The following ADCY2 variants were observed in gnomAD, a reference collection of about 807,000 sequenced individuals.
ADCY2 encodes adenylate cyclase type 2.
In ADCY2, 31 loss-of-function variants were observed where a neutral mutation model predicts 125.2. The observed-to-expected ratio is 0.25, with a 90% CI of 0.19 to 0.33. ADCY2 has a LOEUF of 0.33. ADCY2 is among the 10% of genes least tolerant of loss of function. ADCY2 has a pLI of 1.00. For missense variants in ADCY2, 904 were observed against 1,418.2 expected (o/e 0.64, Z 5.82); for synonymous variants, 512 against 548.4 (o/e 0.93, Z 0.93).
chr5:7,822,176 A>G (rs1275532525), intron 24 of ADCY2, among the ~76,000 whole-genome samples: 1 of 152,234 alleles, frequency 6.6e-6, no homozygotes, highest in Non-Finnish European at 1.5e-5. Context: ...CTCTTGGATA[A>G]TATATGTAGA....
chr5:7,569,496 A>G (rs1736008292), intron 3 of ADCY2, among the ~76,000 whole-genome samples: 1 of 152,182 alleles, frequency 6.6e-6, no homozygotes, highest in African/African-American at 2.4e-5. Context: ...GCTGAGGAAC[A>G]TGCCTATTCA....
At chr5:7,619,494 A>T (rs1049650213) in intron 3 of ADCY2, among the ~76,000 whole-genome samples, 7 of 152,218 alleles carry the variant, frequency 4.6e-5, no homozygotes, top group Non-Finnish European at 8.8e-5. Context: ...GGACTAAAAA[A>T]TCTCCTGTGG....
chr5:7,782,497 G>A (rs577245629), intron 18 of ADCY2, among the ~76,000 whole-genome samples: 2 of 152,324 alleles, frequency 1.3e-5, no homozygotes, highest in African/African-American at 2.4e-5. Flanking sequence ...AGTTAGAAAT[G>A]CAAAGGGGAC....
At chr5:7,477,936 G>T (rs752936891) in intron 2 of ADCY2, among the ~76,000 whole-genome samples, 1 of 152,146 alleles carries the variant, frequency 6.6e-6, no homozygotes, top group Non-Finnish European at 1.5e-5. Context: ...GGACACAGCT[G>T]TGAACCTAGG....
Position 7,561,018 on chromosome 5 carries a change from G to A in ADCY2, c.570+40119G>A, listed in dbSNP as rs112851032. ...ATTCTTTCTTCTTAAAAATATGTTC[G>A]TAGTTTGTTTTCATTGTTGATATTT... On this transcript the variant is annotated intron_variant, in intron 3 of 24. Coordinates refer to ENST00000338316, the MANE Select transcript of ADCY2 (RefSeq NM_020546.3). 4.3e-3 allele frequency among the ~76,000 whole-genome samples: 653 copies of A among 152,234 alleles called. 4 individuals carry two copies. Among genetic ancestry groups the A allele is most frequent in the African/African-American group, 0.015 (617 of 41,552 alleles).
intron 16 of ADCY2, among the ~76,000 whole-genome samples, chr5:7,758,955 G>A (rs1267409702): frequency 6.6e-6 from 1 of 152,176 alleles, no homozygotes. Context: ...CAGGTCACGC[G>A]AGAGATCGTA....
At chr5:7,610,737 G>A (rs566131096) in intron 3 of ADCY2, among the ~76,000 whole-genome samples, 70 of 152,274 alleles carry the variant, frequency 4.6e-4, no homozygotes, top group African/African-American at 1.4e-3. Context: ...GAGTTAGCAC[G>A]GTGGCTTAGA....
At chr5:7,431,155 T>G (rs1740584718) in intron 2 of ADCY2, among the ~76,000 whole-genome samples, 1 of 152,168 alleles carries the variant, frequency 6.6e-6, no homozygotes, top group Admixed American at 6.5e-5. Context: ...ATTATAAAAC[T>G]ACAGTAATCA....
intron 2 of ADCY2, among the ~76,000 whole-genome samples, chr5:7,512,362 G>A (rs2126521250): frequency 6.6e-6 from 1 of 152,186 alleles, no homozygotes; most frequent in African/African-American, 2.4e-5. Flanking sequence ...AAGAAAGGCT[G>A]TTTGGATGCT....
intron 1 of ADCY2, among the ~76,000 whole-genome samples, chr5:7,403,222 T>G (rs1322580727): frequency 6.6e-6 from 1 of 152,184 alleles, no homozygotes; most frequent in Non-Finnish European, 1.5e-5. Context: ...ACTAATGATC[T>G]GTGGTCATTA....
rs144116803 is a variant in ADCY2 at position 7,600,397 on chromosome 5, G to A, written c.571-25770G>A. 7.3e-3 allele frequency among the ~76,000 whole-genome samples: 1,118 copies of A among 152,290 alleles called. 12 individuals are homozygous for A. The highest frequency in any genetic ancestry group is 0.025 in the African/African-American group (1,051 of 41,552). ...TATGGACATGGCTACAAATGTAATT[G>A]GAGCCATTGGCAAAACCTTGAGGAA... On this transcript the variant is annotated intron_variant, in intron 3 of 24. Coordinates refer to ENST00000338316, the MANE Select transcript of ADCY2 (RefSeq NM_020546.3).
At chr5:7,701,806 G>C (rs1174212789) in intron 7 of ADCY2, among the ~76,000 whole-genome samples, 3 of 152,164 alleles carry the variant, frequency 2.0e-5, no homozygotes, top group South Asian at 2.1e-4. Flanking sequence ...GTTCATTTTT[G>C]TGGTGGCATG....
chr5:7,423,971 G>A (rs1285720868), intron 2 of ADCY2, among the ~76,000 whole-genome samples: 1 of 152,192 alleles, frequency 6.6e-6, no homozygotes, highest in South Asian at 2.1e-4. Context: ...GGAGTCCGAT[G>A]TAAATTATTT....
intron 3 of ADCY2, among the ~76,000 whole-genome samples, chr5:7,546,506 C>T (rs993122812): frequency 1.3e-5 from 2 of 152,124 alleles, no homozygotes; most frequent in African/African-American, 2.4e-5. Flanking sequence ...GAGCTGGATT[C>T]GGGGGCAGGC....
chr5:7,666,353 C>T (rs1739725657), intron 4 of ADCY2, among the ~76,000 whole-genome samples: 1 of 151,976 alleles, frequency 6.6e-6, no homozygotes, highest in Non-Finnish European at 1.5e-5. Context: ...ACTGCAAGCT[C>T]AGCCTCCCAG....
chr5:7,436,408 C>T (rs2126388009), intron 2 of ADCY2, among the ~76,000 whole-genome samples: 1 of 152,306 alleles, frequency 6.6e-6, no homozygotes, highest in Middle Eastern at 3.4e-3. Context: ...TTGCCTTCTC[C>T]ACCTTCATAT....
At chr5:7,606,317 A>T (rs1737371942) in intron 3 of ADCY2, among the ~76,000 whole-genome samples, 1 of 152,220 alleles carries the variant, frequency 6.6e-6, no homozygotes, top group Admixed American at 6.5e-5. Context: ...ATATGGAAAA[A>T]TTTTTTTTAA....
chr5:7,478,324 A>G (rs1025655803), intron 2 of ADCY2, among the ~76,000 whole-genome samples: 23 of 152,320 alleles, frequency 1.5e-4, no homozygotes, highest in Admixed American at 3.3e-4. Flanking sequence ...GCCATTAACT[A>G]GCATATGCAA....
chr5:7,773,123 C>G, intron 18 of ADCY2, 22 bp downstream of exon 18: 1 of 1,610,852 alleles, frequency 6.2e-7, no homozygotes. Flanking sequence ...CCTCTTCCTT[C>G]TCTTACTATA....
Sources: gnomAD v4.1 joint callset for allele counts (sites outside exome capture counted in the v4.1 genomes callset) on GRCh38, gnomAD v4.1.1 for gene constraint, MANE v1.5 for transcripts, NCBI Gene and HGNC (gene_info 2026-07-23, HGNC 2026-07-21) for gene names.